Variants in SCIN observed in about 807,000 individuals in gnomAD.
The protein encoded by SCIN is scinderin, also known as adseverin.
In SCIN, 91 loss-of-function variants were observed where a neutral mutation model predicts 91.8. The ratio of observed to expected loss-of-function variants is 0.99; its 90% CI spans 0.84 to 1.18. SCIN has a LOEUF of 1.18. Ranked by LOEUF, SCIN falls within the 50% of genes most tolerant of loss-of-function variation. The pLI, the probability that SCIN is intolerant of heterozygous loss-of-function variation, is 0.00. For synonymous variants in SCIN, 367 were observed against 312.6 expected (o/e 1.17, Z -1.84); for missense variants, 1,087 against 863.9 (o/e 1.26, Z -3.24).
At chr7:12,630,792 A>G (rs1463610303) in intron 9 of SCIN, among the ~76,000 whole-genome samples, 1 of 152,226 alleles carries the variant, frequency 6.6e-6, no homozygotes, top group Non-Finnish European at 1.5e-5. Flanking sequence ...TGGTAAAGCA[A>G]CATTTTAAAT....
chr7:12,614,738 C>A (rs1783265015), intron 4 of SCIN, among the ~76,000 whole-genome samples: 1 of 152,190 alleles, frequency 6.6e-6, no homozygotes, highest in African/African-American at 2.4e-5. Flanking sequence ...TGTCCCAGAA[C>A]CTGCCTTGTA....
intron 2 of SCIN, among the ~76,000 whole-genome samples, chr7:12,580,044 G>A: frequency 6.6e-6 from 1 of 151,810 alleles, no homozygotes; most frequent in South Asian, 2.1e-4. Flanking sequence ...TTTTTAATTT[G>A]AAGTTTTAAT....
intron 9 of SCIN, among the ~76,000 whole-genome samples, chr7:12,631,594 A>G (rs1398654461): frequency 6.6e-6 from 1 of 152,100 alleles, no homozygotes; most frequent in Admixed American, 6.5e-5. Context: ...TAAGAAGAGA[A>G]AGAAGCCTGA....
intron 3 of SCIN, among the ~76,000 whole-genome samples, chr7:12,582,493 A>G (rs1003598740): frequency 3.9e-5 from 6 of 152,168 alleles, no homozygotes; most frequent in Admixed American, 6.5e-5. Flanking sequence ...ACATAATCCA[A>G]CTGTCTTGGA....
At chr7:12,611,231 C>G (rs910228763) in intron 4 of SCIN, 1 of 152,170 alleles carries the variant, frequency 6.6e-6, no homozygotes, top group African/African-American at 2.4e-5. Flanking sequence ...TGTTCTTCCC[C>G]CAAAGTTAAT....
At chr7:12,626,214 AC>A in intron 7 of SCIN, 3 of 311,662 alleles carry the variant, frequency 9.6e-6, no homozygotes, top group Non-Finnish European at 1.8e-5. Flanking sequence ...ATCAATTTAG[AC>A]CCTGGCTAGT....
At chr7:12,572,172 A>G (rs1206671965) in intron 1 of SCIN, among the ~76,000 whole-genome samples, 2 of 152,216 alleles carry the variant, frequency 1.3e-5, no homozygotes, top group East Asian at 3.8e-4. Context: ...GGCATTTGAG[A>G]AATGAGAAAT....
At chr7:12,596,428 T>G in intron 3 of SCIN, 1 of 455,636 alleles carries the variant, frequency 2.2e-6, no homozygotes, top group Non-Finnish European at 4.4e-6. Context: ...GTGCAACAGG[T>G]GTGAACCTTC....
intron 9 of SCIN, 59 bp from the exon 10 acceptor site, chr7:12,635,986 A>G: frequency 8.2e-7 from 1 of 1,222,944 alleles, no homozygotes; most frequent in Non-Finnish European, 1.2e-6. Context: ...TGCAATGCCT[A>G]CATGTGACGA....
intron 4 of SCIN, among the ~76,000 whole-genome samples, chr7:12,616,950 A>G (rs769403734): frequency 1.3e-5 from 2 of 152,148 alleles, no homozygotes; most frequent in Non-Finnish European, 2.9e-5. Flanking sequence ...ACAGGTCTAT[A>G]TTCAATTTGT....
rs1784124890 is a variant in SCIN at position 12,653,648 on chromosome 7, C to G, written c.*933C>G. Reference sequence around the variant, plus strand: ...AATTGTATTGTTATCCACTTAGATACATGTACATGTACAGTACATGTTTAA... The same window carrying G: ...AATTGTATTGTTATCCACTTAGATAGATGTACATGTACAGTACATGTTTAA... On this transcript the variant is annotated 3_prime_UTR_variant, in exon 16 of 16. Transcript: ENST00000297029. This position sits in a 1 kb window ranked among gnomAD's most constrained non-coding sequence, Gnocchi z 4.1. 1 of 152,086 alleles carries G rather than the reference C, an allele frequency of 6.6e-6. No homozygotes were observed. Among genetic ancestry groups the G allele is most frequent in the South Asian group, 2.1e-4 (1 of 4,824 alleles). 9.4% of individuals were successfully genotyped at this position (152,086 alleles called of 1,614,324 possible).
At chr7:12,640,223 TG>T in intron 10 of SCIN, 123 bp from the exon 11 acceptor site, 1 of 777,814 alleles carries the variant, frequency 1.3e-6, no homozygotes, top group Non-Finnish European at 1.9e-6. Context: ...TCATTCCTCC[TG>T]CTCTTGACTT....
At chr7:12,587,907 G>A (rs1347424139) in intron 3 of SCIN, among the ~76,000 whole-genome samples, 1 of 152,066 alleles carries the variant, frequency 6.6e-6, no homozygotes, top group Non-Finnish European at 1.5e-5. Context: ...CAGCCCCTAA[G>A]ACCCACACCG....
At chr7:12,574,492 CAT>C (rs759749739) in intron 1 of SCIN, among the ~76,000 whole-genome samples, 41 of 152,042 alleles carry the variant, frequency 2.7e-4, no homozygotes, top group Admixed American at 1.4e-3. Context: ...TGAATTTACA[CAT>C]GTGATAAAAT....
rs115909027 is a variant in SCIN at position 12,576,453 on chromosome 7, C to G, written c.200-1611C>G. ...AGGGAAATTGTAAGGAAATCTGATT[C>G]TTTCTTTAATACAACTGACTGATTT... On this transcript the variant is annotated intron_variant, in intron 1 of 15. Coordinates refer to ENST00000297029, the MANE Select transcript of SCIN (RefSeq NM_001112706.3). 3.2e-3 allele frequency among the ~76,000 whole-genome samples: 483 copies of G among 151,402 alleles called. 5 individuals carry two copies. The highest frequency in any genetic ancestry group is 0.011 in the African/African-American group (463 of 41,282).
rs1194433477 is a variant in SCIN, at chr7:12,657,559, T to C, written c.*4844T>C. ...GTGTGTATATATATATATATATATATATATATATATATATTTTTTTTTTTT... is the reference window on the plus strand; with the variant it reads ...GTGTGTATATATATATATATATATACATATATATATATATTTTTTTTTTTT... On this transcript the variant is annotated 3_prime_UTR_variant, in exon 16 of 16. Transcript: ENST00000297029. 16 of 21,634 alleles carry C rather than the reference T, an allele frequency of 7.4e-4. 1 individual carries two copies. Among genetic ancestry groups the C allele is most frequent in the Admixed American group, 2.9e-3 (5 of 1,752 alleles). 1.3% of individuals were successfully genotyped at this position (21,634 alleles called of 1,614,324 possible).
chr7:12,588,952 G>T (rs76236833), intron 3 of SCIN: 5,377 of 153,028 alleles, frequency 0.035, 177 homozygotes, highest in Admixed American at 0.1. Context: ...GCGATGGTTG[G>T]GGGGAGAGGC....
intron 10 of SCIN, among the ~76,000 whole-genome samples, chr7:12,637,577 G>A (rs1783777210): frequency 6.6e-6 from 1 of 151,910 alleles, no homozygotes; most frequent in Non-Finnish European, 1.5e-5. Context: ...GTAAGGAGGA[G>A]AGGAGGGGGA....
chr7:12,578,316 T>C, intron 2 of SCIN, 98 bp downstream of exon 2: 1 of 1,140,802 alleles, frequency 8.8e-7, no homozygotes, highest in Non-Finnish European at 1.2e-6. Flanking sequence ...AGGGCAGGGG[T>C]TTTTGTTTTA....
Sources: gnomAD v4.1 joint callset for allele counts (sites outside exome capture counted in the v4.1 genomes callset) on GRCh38, gnomAD v4.1.1 for gene constraint, Gnocchi (gnomAD v3.1) non-coding constraint, MANE v1.5 for transcripts, NCBI Gene and HGNC (gene_info 2026-07-23, HGNC 2026-07-21) for gene names.